The following MAML2 variants were observed in gnomAD, a reference collection of about 807,000 sequenced individuals.
MAML2 encodes mastermind-like protein 2.
A neutral mutation model predicts 96.1 loss-of-function variants in MAML2; 22 were observed. The ratio of observed to expected loss-of-function variants is 0.23; its 90% CI spans 0.16 to 0.33. The LOEUF (loss-of-function observed/expected upper bound fraction) is 0.33. Among genes scored for constraint, MAML2 ranks in the 10% least tolerant of loss-of-function variants. The pLI is 1.00. For missense variants in MAML2, 1,367 were observed against 1,392.4 expected, an observed-to-expected ratio of 0.98 and a Z score of 0.29; for synonymous variants, 561 against 521.3, an observed-to-expected ratio of 1.08 and a Z score of -1.04.
intron 1 of MAML2, among the ~76,000 whole-genome samples, chr11:96,219,877 G>A (rs1255365556): frequency 6.6e-6 from 1 of 152,076 alleles, no homozygotes; most frequent in Non-Finnish European, 1.5e-5. Context: ...GCCCACCTCG[G>A]CCTCCCAAAG....
chr11:96,275,262 C>T (rs185891510), intron 1 of MAML2, among the ~76,000 whole-genome samples: 2 of 147,774 alleles, frequency 1.4e-5, no homozygotes, highest in East Asian at 4.0e-4. Context: ...TATCCAAACA[C>T]TAAGGAATTT....
chr11:96,121,446 G>A (rs1401734071), intron 1 of MAML2, among the ~76,000 whole-genome samples: 2 of 152,124 alleles, frequency 1.3e-5, no homozygotes, highest in African/African-American at 2.4e-5. Context: ...GATATTATTA[G>A]CACATGGCAA....
chr11:96,329,382 C>T (rs945144578), intron 1 of MAML2, among the ~76,000 whole-genome samples: 2 of 152,220 alleles, frequency 1.3e-5, no homozygotes, highest in Middle Eastern at 6.8e-3. Context: ...GGACCTTGTC[C>T]CCCACATAAC....
At chr11:96,177,584 T>C (rs575837859) in intron 1 of MAML2, among the ~76,000 whole-genome samples, 1 of 152,300 alleles carries the variant, frequency 6.6e-6, no homozygotes, top group Admixed American at 6.5e-5. Context: ...TGGGGCTGAG[T>C]CTTCCCCAGG....
At chr11:96,181,815 G>A (rs1360283631) in intron 1 of MAML2, among the ~76,000 whole-genome samples, 7 of 98,768 alleles carry the variant, frequency 7.1e-5, no homozygotes, top group Non-Finnish European at 1.2e-4. Flanking sequence ...GCAATAGAAC[G>A]CTTTAGTGAA....
At chr11:96,125,027 T>C (rs895920174) in intron 1 of MAML2, among the ~76,000 whole-genome samples, 2 of 151,942 alleles carry the variant, frequency 1.3e-5, no homozygotes, top group African/African-American at 4.8e-5. Flanking sequence ...CACATGAGAG[T>C]CATTTTATTA....
intron 2 of MAML2, among the ~76,000 whole-genome samples, chr11:96,075,468 G>A (rs1180984947): frequency 2.0e-5 from 3 of 152,156 alleles, no homozygotes; most frequent in Non-Finnish European, 4.4e-5. Context: ...AGACAGGGCA[G>A]GGATTCTATC....
rs537756992 is a variant in MAML2 at position 96,216,544 on chromosome 11, T to C, written c.514-123027A>G. Among the ~76,000 whole-genome samples the C allele has an allele frequency of 6.4e-4, 97 of 152,304 alleles. 1 individual carries two copies. In the South Asian group the frequency reaches 0.014, roughly 23 times the overall value. On this transcript the variant is annotated intron_variant, in intron 1 of 4. Transcript: ENST00000524717. ...GGAAGTTTTACATGGGTATGTCTGG[T>C]CCTGGTATTCTATTTATCCATACTG...
intron 1 of MAML2, among the ~76,000 whole-genome samples, chr11:96,114,968 T>A (rs757888309): frequency 1.3e-5 from 2 of 152,242 alleles, no homozygotes; most frequent in South Asian, 4.2e-4. Context: ...GCAGCCGGTA[T>A]GGAGGTTGGT....
At chr11:95,983,119 C>T (rs1327314462) in intron 4 of MAML2, among the ~76,000 whole-genome samples, 1 of 152,108 alleles carries the variant, frequency 6.6e-6, no homozygotes, top group East Asian at 1.9e-4. Flanking sequence ...GCATTGTTAT[C>T]ATAGGAGGTG....
intron 1 of MAML2, among the ~76,000 whole-genome samples, chr11:96,271,058 T>A (rs1862910364): frequency 6.6e-6 from 1 of 152,218 alleles, no homozygotes; most frequent in Admixed American, 6.5e-5. Flanking sequence ...GCTTCTCGAC[T>A]CTTGGACTTA....
intron 1 of MAML2, among the ~76,000 whole-genome samples, chr11:96,326,443 G>A (rs1440488473): frequency 2.0e-5 from 3 of 151,984 alleles, no homozygotes; most frequent in Non-Finnish European, 4.4e-5. Context: ...AGACCTTGGA[G>A]TCCAATTGCA....
At chr11:96,081,616 G>A (rs1293427327) in intron 2 of MAML2, among the ~76,000 whole-genome samples, 3 of 152,124 alleles carry the variant, frequency 2.0e-5, no homozygotes, top group Non-Finnish European at 4.4e-5. Context: ...CCCATTGCAA[G>A]TTTCTACTAA....
chr11:96,036,475 G>C (rs1858713812), intron 2 of MAML2, among the ~76,000 whole-genome samples: 2 of 152,178 alleles, frequency 1.3e-5, no homozygotes, highest in African/African-American at 4.8e-5. Context: ...CCCTGGAACA[G>C]GTCTGGTCAC....
At position 95,977,457 on chromosome 11, in the gene MAML2, T is replaced by C. The variant is rs117638316; in HGVS notation, c.*1491A>G. The C allele has an allele frequency of 5.6e-3, 1,079 of 192,144 alleles. 40 individuals carry two copies. The highest frequency in any genetic ancestry group is 0.052 in the Admixed American group (851 of 16,314). The allele number at this position is 192,144 out of a possible 1,614,324, so 11.9% of individuals were successfully genotyped here. ...AGTGTGTTCTTTTTCTTTGAACAGA[T>C]ATTGAAAGACTTGATTATTAAATAA... On this transcript the variant is annotated 3_prime_UTR_variant, in exon 5 of 5. Coordinates refer to ENST00000524717, the MANE Select transcript of MAML2 (RefSeq NM_032427.4).
intron 1 of MAML2, among the ~76,000 whole-genome samples, chr11:96,176,430 G>A (rs973990199): frequency 2.6e-5 from 4 of 152,096 alleles, no homozygotes; most frequent in African/African-American, 9.7e-5. Flanking sequence ...ATAATTAAGT[G>A]TTTTAGGGAG....
intron 2 of MAML2, among the ~76,000 whole-genome samples, chr11:96,027,211 T>TATTC (rs144573253): frequency 2.0e-4 from 30 of 151,816 alleles, no homozygotes; most frequent in African/African-American, 3.4e-4. Context: ...TGCATTCATT[T>TATTC]ATTCATTCAT....
chr11:96,159,692 G>A (rs929745526), intron 1 of MAML2, among the ~76,000 whole-genome samples: 1 of 152,058 alleles, frequency 6.6e-6, no homozygotes, highest in Non-Finnish European at 1.5e-5. Context: ...CCAAAGTGCT[G>A]GGATTACAGG....
chr11:96,326,387 G>GTGTT (rs1565284925), intron 1 of MAML2, among the ~76,000 whole-genome samples: 2 of 140,416 alleles, frequency 1.4e-5, no homozygotes, highest in African/African-American at 2.9e-5. Flanking sequence ...GTGTGTGTGT[G>GTGTT]CATGTATGTG....
Sources: allele counts gnomAD v4.1 joint callset (sites outside exome capture counted in the v4.1 genomes callset), GRCh38; gene constraint gnomAD v4.1.1; transcripts MANE v1.5; gene names NCBI Gene and HGNC (gene_info 2026-07-23, HGNC 2026-07-21).